THRB: variants seen among roughly 807,000 people sequenced by gnomAD.
The protein encoded by THRB is thyroid hormone receptor beta, also known as nuclear receptor subfamily 1 group A member 2.
THRB carries 12 observed loss-of-function variants against 47.8 expected under a neutral mutation model. The ratio of observed to expected loss-of-function variants is 0.25; its 90% confidence interval spans 0.16 to 0.41. THRB has a LOEUF of 0.41. Among genes scored for constraint, THRB ranks in the 10% least tolerant of loss-of-function variants. The pLI, the probability that THRB is intolerant of heterozygous loss-of-function variation, is 1.00. For missense variants in THRB, 348 were observed against 589.2 expected (o/e 0.59, Z 4.24); for synonymous variants, 218 against 212.2 (o/e 1.03, Z -0.24).
chr3:24,478,900 C>T (rs1027997716), intron 1 of THRB, among the ~76,000 whole-genome samples: 2 of 152,140 alleles, frequency 1.3e-5, no homozygotes, highest in African/African-American at 2.4e-5. Flanking sequence ...CAAGAGGATA[C>T]TAGGCAATGT....
chr3:24,205,887 A>G, intron 4 of THRB, among the ~76,000 whole-genome samples: 1 of 152,218 alleles, frequency 6.6e-6, no homozygotes, highest in Non-Finnish European at 1.5e-5. Flanking sequence ...ACCAACAAAG[A>G]TCAAAAGAGA....
chr3:24,493,740 A>G (rs1388242495), intron 1 of THRB, among the ~76,000 whole-genome samples: 1 of 152,164 alleles, frequency 6.6e-6, no homozygotes, highest in Non-Finnish European at 1.5e-5. Context: ...ATTTGGGGAA[A>G]CTTGTACATT....
chr3:24,476,162 G>A (rs761334044), intron 1 of THRB, among the ~76,000 whole-genome samples: 29 of 152,224 alleles, frequency 1.9e-4, no homozygotes, highest in Admixed American at 4.6e-4. Context: ...TTAGCACCCT[G>A]CTGCACAAAC....
At chr3:24,255,719 G>A (rs924841142) in intron 3 of THRB, among the ~76,000 whole-genome samples, 2 of 152,204 alleles carry the variant, frequency 1.3e-5, no homozygotes, top group African/African-American at 4.8e-5. Flanking sequence ...TAGGCAGAAG[G>A]GTGAGGACAG....
chr3:24,423,998 G>A (rs1206312308), intron 1 of THRB, among the ~76,000 whole-genome samples: 4 of 151,870 alleles, frequency 2.6e-5, no homozygotes, highest in African/African-American at 4.8e-5. Flanking sequence ...TGGTTACTGA[G>A]AATCATCAAA....
intron 1 of THRB, among the ~76,000 whole-genome samples, chr3:24,348,140 G>A (rs918608646): frequency 3.3e-5 from 5 of 152,106 alleles, no homozygotes; most frequent in African/African-American, 9.7e-5. Flanking sequence ...ACACGTTAAC[G>A]CAAGAGGGTT....
intron 3 of THRB, among the ~76,000 whole-genome samples, chr3:24,283,949 G>A (rs953116240): frequency 7.4e-6 from 1 of 135,814 alleles, no homozygotes; most frequent in Non-Finnish European, 1.6e-5. Context: ...ACAAATGGAA[G>A]AACATTCCAT....
chr3:24,409,252 C>A (rs2068079968), intron 1 of THRB, among the ~76,000 whole-genome samples: 2 of 151,942 alleles, frequency 1.3e-5, no homozygotes, highest in Non-Finnish European at 2.9e-5. Context: ...TAAATTTGCA[C>A]AGACAGGCTC....
chr3:24,479,114 C>T (rs139016478), intron 1 of THRB, among the ~76,000 whole-genome samples: 1,770 of 152,066 alleles, frequency 0.012, 19 homozygotes, highest in Non-Finnish European at 0.019. Context: ...CTGGCTAACA[C>T]GGTGAAACCC....
At chr3:24,476,947 T>C (rs1057305559) in intron 1 of THRB, among the ~76,000 whole-genome samples, 4 of 151,964 alleles carry the variant, frequency 2.6e-5, no homozygotes, top group African/African-American at 9.7e-5. Context: ...AATGCTTGCA[T>C]TTGAACACTG....
At chr3:24,290,673 A>ACAAGAAGCCTGATTTTTCTAG (rs1443453841) in intron 3 of THRB, among the ~76,000 whole-genome samples, 2 of 152,194 alleles carry the variant, frequency 1.3e-5, no homozygotes, top group Non-Finnish European at 2.9e-5. Flanking sequence ...TATTTTTCTG[A>ACAAGAAGCCTGATTTTTCTAG]CAAGAAGCCT....
At chr3:24,385,787 T>C (rs1358065531) in intron 1 of THRB, among the ~76,000 whole-genome samples, 1 of 152,124 alleles carries the variant, frequency 6.6e-6, no homozygotes, top group Non-Finnish European at 1.5e-5. Flanking sequence ...GGAACTGGCC[T>C]ATAGAGCTTC....
intron 1 of THRB, among the ~76,000 whole-genome samples, chr3:24,465,551 C>T (rs533413272): frequency 4.6e-5 from 7 of 152,222 alleles, no homozygotes; most frequent in African/African-American, 1.7e-4. Flanking sequence ...TACAGGCATG[C>T]ACCACCATGA....
intron 10 of THRB, 142 bp downstream of exon 10, chr3:24,127,357 T>C: frequency 1.1e-6 from 1 of 889,318 alleles, no homozygotes; most frequent in South Asian, 1.6e-5. Context: ...CCCAGTCCAC[T>C]GGCAAACCTG....
At chr3:24,295,771 T>C (rs1477937174) in intron 3 of THRB, among the ~76,000 whole-genome samples, 1 of 152,198 alleles carries the variant, frequency 6.6e-6, no homozygotes. Flanking sequence ...GTATGAATCC[T>C]TGGGTCAGTC....
intron 10 of THRB, 119 bp downstream of exon 10, chr3:24,127,380 G>C: frequency 9.0e-7 from 1 of 1,106,544 alleles, no homozygotes; most frequent in Non-Finnish European, 1.3e-6. Context: ...ATTTCTTACT[G>C]AAGAAGAGTG....
Position 24,186,944 on chromosome 3 carries a change from CAAAAAAA to C in THRB, c.283+3123_283+3129del, listed in dbSNP as rs71057655. On this transcript the variant is annotated intron_variant, in intron 5 of 10. Transcript: ENST00000646209. ...TGGGCAACAGAGCAAGACTCCATTTCAAAAAAAAAAAAAAAAAAAAAAAGCAGTATTC... is the reference window on the plus strand; with the variant it reads ...TGGGCAACAGAGCAAGACTCCATTTCAAAAAAAAAAAAAAAAGCAGTATTC... 4.5e-3 allele frequency among the ~76,000 whole-genome samples: 347 copies of C among 77,530 alleles called. 5 individuals carry two copies. Among genetic ancestry groups the C allele is most frequent in the Middle Eastern group, 0.036 (3 of 84 alleles). 50.9% of individuals were successfully genotyped at this position (77,530 alleles called of 152,430 possible).
intron 1 of THRB, among the ~76,000 whole-genome samples, chr3:24,344,056 T>C (rs193233321): frequency 6.6e-6 from 1 of 151,260 alleles, no homozygotes; most frequent in Admixed American, 6.6e-5. Context: ...TTAATGTTAA[T>C]TCAAAGCAAT....
chr3:24,241,717 T>G (rs1359975978), intron 3 of THRB, among the ~76,000 whole-genome samples: 1 of 152,150 alleles, frequency 6.6e-6, no homozygotes, highest in Non-Finnish European at 1.5e-5. Context: ...CCCTTGTACT[T>G]ATTTTCTTAG....
Sources: allele counts gnomAD v4.1 joint callset (sites outside exome capture counted in the v4.1 genomes callset), GRCh38; gene constraint gnomAD v4.1.1; transcripts MANE v1.5; gene names NCBI Gene and HGNC (gene_info 2026-07-23, HGNC 2026-07-21).